Variants in FER1L6 observed in about 807,000 individuals in gnomAD.
FER1L6 encodes the protein fer-1 like family member 6.
In FER1L6, 177 loss-of-function variants were observed where a neutral mutation model predicts 219.2. The ratio of observed to expected loss-of-function variants is 0.81; its 90% confidence interval spans 0.71 to 0.91. The LOEUF is 0.91. Among genes scored for constraint, FER1L6 ranks in the 40% least tolerant of loss-of-function variants. The pLI is 0.00. For missense variants in FER1L6, 2,153 were observed against 2,259.9 expected, an observed-to-expected ratio of 0.95 and a Z score of 0.96; for synonymous variants, 768 against 824.3, an observed-to-expected ratio of 0.93 and a Z score of 1.17.
chr8:123,978,727 T>C (rs1230770259), intron 10 of FER1L6, among the ~76,000 whole-genome samples: 1 of 152,198 alleles, frequency 6.6e-6, no homozygotes, highest in Non-Finnish European at 1.5e-5. Context: ...ATTATTTTAA[T>C]TTTTTACTTG....
chr8:124,073,515 T>TA (rs1170030685), intron 31 of FER1L6, among the ~76,000 whole-genome samples: 2 of 152,014 alleles, frequency 1.3e-5, no homozygotes, highest in Admixed American at 6.6e-5. Flanking sequence ...CACTAACAAG[T>TA]AAAAAAAATA....
rs1193302952 is a variant in FER1L6, at chr8:123,853,582, T to C, written c.-8+1397T>C. Among the ~76,000 whole-genome samples the C allele has an allele frequency of 6.6e-6, 1 of 152,170 alleles. No individual in the cohort carries two copies. Among genetic ancestry groups the C allele is most frequent in the Non-Finnish European group, 1.5e-5 (1 of 68,022 alleles). On this transcript the variant is annotated intron_variant, in intron 1 of 40. Transcript: ENST00000522917. The surrounding 1 kb of genome is among the most constrained non-coding windows in gnomAD (Gnocchi z 6.6). ...CTTTTTTCCTGGGGTATTGTATTAATCAGGGGAGATTTTACAAGGGTGGAT... is the reference window on the plus strand; with the variant it reads ...CTTTTTTCCTGGGGTATTGTATTAACCAGGGGAGATTTTACAAGGGTGGAT...
At chr8:124,043,120 G>A (rs1278220880) in intron 20 of FER1L6, among the ~76,000 whole-genome samples, 1 of 152,202 alleles carries the variant, frequency 6.6e-6, no homozygotes, top group Non-Finnish European at 1.5e-5. Context: ...TGTGGCAGGC[G>A]TTCAGTAAAT....
chr8:123,857,124 C>G (rs1391175733), intron 1 of FER1L6, among the ~76,000 whole-genome samples: 1 of 152,144 alleles, frequency 6.6e-6, no homozygotes, highest in Non-Finnish European at 1.5e-5. Flanking sequence ...CTTCCCAGCC[C>G]TGTGAAAAAT....
In FER1L6 at chr8:124,008,187, T is replaced by A. The variant is rs563989176; in HGVS notation, c.1701-2407T>A. 5.9e-5 allele frequency among the ~76,000 whole-genome samples: 9 copies of A among 152,356 alleles called. No individual in the cohort carries two copies. In the East Asian group the frequency reaches 1.5e-3, roughly 26 times the overall value. On this transcript the variant is annotated intron_variant, in intron 13 of 40. Coordinates refer to ENST00000522917, the MANE Select transcript of FER1L6 (RefSeq NM_001039112.2). The stretch of plus-strand genomic sequence containing the variant: ...TAGCTCCCATTTATGAATGAAAGCA[T>A]ACGATGTTTGGTTTTCCATTCCTGA...
chr8:123,973,334 A>G, intron 6 of FER1L6, 100 bp from the exon 7 acceptor site: 1 of 928,806 alleles, frequency 1.1e-6, no homozygotes, highest in East Asian at 2.4e-5. Flanking sequence ...TTTGATGGCC[A>G]AACTCCACTG....
At position 124,045,856 on chromosome 8, in the gene FER1L6, G is replaced by A; in HGVS notation, c.2679G>A (p.Glu893=). ...ATGGAGATGTGAAGGAGCTGGCAGA[G>A]TCCCCGCCCTTAGTGGTGGTGGAGC... ...VLHGDVKELA[E]SPPLVVVELY... Residue 893 remains glutamate, a synonymous_variant, in exon 21 of 41, where the codon GAG becomes GAA. Coordinates refer to ENST00000522917, the MANE Select transcript of FER1L6 (RefSeq NM_001039112.2). The A allele has an allele frequency of 1.2e-6, 2 of 1,614,084 alleles. No individual in the cohort carries two copies. The highest frequency in any genetic ancestry group is 8.5e-7 in the Non-Finnish European group (1 of 1,179,998).
intron 1 of FER1L6, 87 bp from the exon 2 acceptor site, chr8:123,955,905 A>G: frequency 7.9e-7 from 1 of 1,262,172 alleles, no homozygotes; most frequent in Non-Finnish European, 1.1e-6. Flanking sequence ...GGCTTCATGA[A>G]GCTCGGTGTG....
intron 22 of FER1L6, among the ~76,000 whole-genome samples, chr8:124,051,010 T>C (rs1819994721): frequency 6.6e-6 from 1 of 152,154 alleles, no homozygotes; most frequent in South Asian, 2.1e-4. Flanking sequence ...TCAATTAGTA[T>C]AGAAACCAGA....
chr8:124,079,136 CT>C lies in FER1L6; in HGVS notation c.4220+2812del, dbSNP rs575190409. On this transcript the variant is annotated intron_variant, in intron 32 of 40. Transcript: ENST00000522917. ...CACATCATCTTCCCTCTGTGCACATCTGTCTCTGTGCCAAGTTTTCCTCTTT... is the reference window on the plus strand; with the variant it reads ...CACATCATCTTCCCTCTGTGCACATCGTCTCTGTGCCAAGTTTTCCTCTTT... 2.0e-3 allele frequency among the ~76,000 whole-genome samples: 303 copies of C among 152,294 alleles called. 1 individual carries two copies. Among genetic ancestry groups the C allele is most frequent in the African/African-American group, 7.0e-3 (290 of 41,548 alleles).
intron 2 of FER1L6, among the ~76,000 whole-genome samples, chr8:123,961,880 CT>C (rs1295109025): frequency 3.5e-3 from 449 of 129,150 alleles, no homozygotes; most frequent in African/African-American, 9.7e-3. Flanking sequence ...TGTTTGTTTT[CT>C]TTTTTTTTTT....
chr8:124,004,795 A>C (rs1459890544), intron 13 of FER1L6, among the ~76,000 whole-genome samples: 1 of 152,006 alleles, frequency 6.6e-6, no homozygotes, highest in African/African-American at 2.4e-5. Flanking sequence ...TCAGGAGTTC[A>C]AGACCAGCCT....
At chr8:123,865,910 C>T (rs1816828766) in intron 1 of FER1L6, among the ~76,000 whole-genome samples, 1 of 151,364 alleles carries the variant, frequency 6.6e-6, no homozygotes, top group South Asian at 2.1e-4. Flanking sequence ...AACCCGGTAC[C>T]TCAGATGGAA....
intron 26 of FER1L6, among the ~76,000 whole-genome samples, chr8:124,065,617 GATTCAGTGTTCATC>G (rs1357676858): frequency 6.6e-6 from 1 of 152,114 alleles, no homozygotes; most frequent in Non-Finnish European, 1.5e-5. Flanking sequence ...TGACTTCTCG[GATTCAGTGTTCATC>G]ATTCAGTGTT....
intron 1 of FER1L6, among the ~76,000 whole-genome samples, chr8:123,900,589 A>G (rs1263777264): frequency 6.6e-6 from 1 of 152,092 alleles, no homozygotes; most frequent in Non-Finnish European, 1.5e-5. Context: ...ACTTTTCTTC[A>G]TTCAGTATTG....
intron 12 of FER1L6, among the ~76,000 whole-genome samples, chr8:123,998,305 T>G (rs979140182): frequency 2.8e-5 from 4 of 144,288 alleles, no homozygotes; most frequent in Non-Finnish European, 6.0e-5. Context: ...TTGGGTAAGA[T>G]CCAAAAGAAT....
intron 32 of FER1L6, among the ~76,000 whole-genome samples, chr8:124,079,617 G>A (rs188757767): frequency 8.4e-4 from 128 of 152,264 alleles, no homozygotes; most frequent in African/African-American, 2.9e-3. Flanking sequence ...GGCACACTAT[G>A]TGCCAGCTAC....
At chr8:124,023,935 C>G (rs1481049250) in intron 18 of FER1L6, among the ~76,000 whole-genome samples, 2 of 149,534 alleles carry the variant, frequency 1.3e-5, no homozygotes, top group Non-Finnish European at 3.0e-5. Flanking sequence ...CTTGCACTGT[C>G]GCCCGGGCTG....
chr8:124,040,051 C>T (rs371767909), intron 20 of FER1L6, 45 bp downstream of exon 20: 120 of 1,611,390 alleles, frequency 7.4e-5, no homozygotes, highest in Non-Finnish European at 1.0e-4. Context: ...CTGCAGCCTG[C>T]AACTGACCCA....
Sources: gnomAD v4.1 joint callset for allele counts (sites outside exome capture counted in the v4.1 genomes callset) on GRCh38, gnomAD v4.1.1 for gene constraint, Gnocchi (gnomAD v3.1) non-coding constraint, MANE v1.5 for transcripts, NCBI Gene and HGNC (gene_info 2026-07-23, HGNC 2026-07-21) for gene names.